The following NBPF9 variants were observed in gnomAD, a reference collection of about 807,000 sequenced individuals.
NBPF9 encodes NBPF family member NBPF9.
A neutral mutation model predicts 97.8 loss-of-function variants in NBPF9; 91 were observed. The observed-to-expected ratio is 0.93, with a 90% CI of 0.79 to 1.11. NBPF9 has a LOEUF of 1.11. Ranked by LOEUF, NBPF9 falls within the 50% of genes least tolerant of loss-of-function variation. The pLI, the probability that NBPF9 is intolerant of heterozygous loss-of-function variation, is 0.00. For synonymous variants in NBPF9, 334 were observed against 359.5 expected (o/e 0.93, Z 0.80); for missense variants, 992 against 939.5 (o/e 1.06, Z -0.73).
At chr1:149,082,663 C>G (rs374501916) in intron 5 of NBPF9, among the ~76,000 whole-genome samples, 1 of 142,970 alleles carries the variant, frequency 7.0e-6, no homozygotes, top group African/African-American at 2.6e-5. Flanking sequence ...CTGTTTATCT[C>G]TTGTCTGTAC....
At position 149,062,425 on chromosome 1, in the gene NBPF9, G is replaced by A. The variant is rs587660134; in HGVS notation, c.2079-160C>T. On this transcript the variant is annotated intron_variant, in intron 21 of 29. Coordinates refer to ENST00000584027, the Ensembl canonical transcript of NBPF9. ...TTGCCTTTAGGTTGGGATAGACCAGGGTCAGGTGGAAAAGAATGAAAGAGA... is the reference window on the plus strand; with the variant it reads ...TTGCCTTTAGGTTGGGATAGACCAGAGTCAGGTGGAAAAGAATGAAAGAGA... 4.2e-4 allele frequency among the ~76,000 whole-genome samples: 60 copies of A among 143,242 alleles called. 7 individuals carry two copies. Among genetic ancestry groups the A allele is most frequent in the African/African-American group, 1.5e-3 (60 of 38,784 alleles). The allele number at this position is 143,242 out of a possible 152,430, so 94.0% of individuals were successfully genotyped here. A position where few individuals can be genotyped will look rare whatever the true frequency, so the allele number is the denominator to read the frequency against.
chr1:149,082,027 A>G, exon 7 of NBPF9: 1 of 1,609,460 alleles, frequency 6.2e-7, no homozygotes, highest in Non-Finnish European at 8.5e-7. Context: ...TCTCTCTTTG[A>G]GGTTTCCGAA....
At chr1:149,102,002 C>T (rs2152928643) in intron 2 of NBPF9, among the ~76,000 whole-genome samples, 1 of 115,028 alleles carries the variant, frequency 8.7e-6, no homozygotes, top group Admixed American at 8.7e-5. Flanking sequence ...GATCACGGCT[C>T]ACTGCAATCT....
At chr1:149,055,804 G>C (rs782724249) in exon 30 of NBPF9, 4 of 1,610,892 alleles carry the variant, frequency 2.5e-6, no homozygotes, top group Non-Finnish European at 3.4e-6. Context: ...GAATGAGTCA[G>C]GTAGTTCAAA....
intron 12 of NBPF9, among the ~76,000 whole-genome samples, chr1:149,074,945 G>T (rs1159568311): frequency 1.3e-5 from 2 of 151,214 alleles, no homozygotes; most frequent in Non-Finnish European, 3.0e-5. Flanking sequence ...CTGAGCAGGG[G>T]TGATTACAGT....
chr1:149,079,272 C>A, intron 8 of NBPF9, 51 bp from the exon 9 acceptor site: 3 of 1,181,010 alleles, frequency 2.5e-6, no homozygotes, highest in Non-Finnish European at 1.3e-6. Flanking sequence ...TTGAGTGATC[C>A]GTTCAAATAT....
chr1:149,082,148 T>C, exon 7 of NBPF9: 1 of 1,612,014 alleles, frequency 6.2e-7, no homozygotes. Context: ...ATGCTGACGT[T>C]TGTGGCAGAA....
intron 5 of NBPF9, among the ~76,000 whole-genome samples, chr1:149,083,017 G>C (rs1251348734): frequency 8.7e-6 from 1 of 115,096 alleles, no homozygotes; most frequent in African/African-American, 3.3e-5. Context: ...CACTGTGTTA[G>C]CCACGATGGT....
In NBPF9 at chr1:149,099,601, CATA is replaced by C. The variant is rs1358740080; in HGVS notation, c.-605-898_-605-896del. ...TGAGATTGAACACATACAAAATAATCATAATAACAACAATGAATACTATATTCA... is the reference window on the plus strand; with the variant it reads ...TGAGATTGAACACATACAAAATAATCATAACAACAATGAATACTATATTCA... On this transcript the variant is annotated intron_variant, in intron 3 of 29. Coordinates refer to ENST00000584027, the Ensembl canonical transcript of NBPF9. Among the ~76,000 whole-genome samples the C allele has an allele frequency of 5.4e-3, 824 of 152,302 alleles. 4 individuals are homozygous for C. Among genetic ancestry groups the C allele is most frequent in the Non-Finnish European group, 9.0e-3 (614 of 68,036 alleles).
rs1299533862 is a variant in NBPF9, at chr1:149,090,739, G to C, written c.-195+14C>G. 3 of 554,546 alleles carry C rather than the reference G, an allele frequency of 5.4e-6. No homozygotes were observed. In the East Asian group the frequency reaches 9.0e-5, roughly 17 times the overall value. The allele number at this position is 554,546 out of a possible 1,614,324, so 34.4% of individuals were successfully genotyped here. A position where few individuals can be genotyped will look rare whatever the true frequency, so the allele number is the denominator to read the frequency against. ...TAGCATCTTTCAGAAAGCTCTCTGT[G>C]TTTGAGTACGCACCTTGATCCATAG... On this transcript the variant is annotated intron_variant, in intron 5 of 29. Transcript: ENST00000584027.
chr1:149,084,505 G>T (rs1438556970), intron 5 of NBPF9, among the ~76,000 whole-genome samples: 34 of 147,974 alleles, frequency 2.3e-4, no homozygotes, highest in East Asian at 2.0e-4. Context: ...TGGCGAGGAG[G>T]ACAGCACCTG....
intron 11 of NBPF9, among the ~76,000 whole-genome samples, chr1:149,076,378 G>T (rs1342699658): frequency 6.6e-6 from 1 of 151,148 alleles, no homozygotes; most frequent in Non-Finnish European, 1.5e-5. Context: ...TGTATTTTTA[G>T]TAGAGATGGG....
At chr1:149,101,820 A>G (rs1240791551) in intron 2 of NBPF9, among the ~76,000 whole-genome samples, 1 of 151,170 alleles carries the variant, frequency 6.6e-6, no homozygotes. Context: ...TCATTCATAT[A>G]CCTCTAAAAC....
chr1:149,072,850 G>T lies in NBPF9; in HGVS notation c.1174C>A (p.Arg392Ser), dbSNP rs587701109. Reference sequence around the variant, plus strand: ...GCCTGGAGATGCTCATTCAATGAGCGGGAGGCATCTCTCCCTTCCCGCAAC... The same window carrying T: ...GCCTGGAGATGCTCATTCAATGAGCTGGAGGCATCTCTCCCTTCCCGCAAC... The change falls in exon 14 of 30, where the codon CGC (arginine) becomes AGC (serine). Residue 392 changes from arginine (R) to serine (S), a missense_variant. Around this residue, in one of 11 missense-constraint regions of NBPF9, gnomAD observed 187 missense variants for 149.6 expected, o/e 1.25. Transcript: ENST00000584027. 8.1e-6 allele frequency: 13 copies of T among 1,603,596 alleles called. 1 individual carries two copies. The highest frequency in any genetic ancestry group is 1.1e-5 in the Non-Finnish European group (13 of 1,172,536).
At chr1:149,052,659 C>CAT (rs1378886709), downstream of NBPF9, among the ~76,000 whole-genome samples, 1 of 149,492 alleles carries the variant, frequency 6.7e-6, no homozygotes, top group African/African-American at 2.4e-5. Context: ...TATACACACA[C>CAT]ATATACATTT....
In NBPF9 at chr1:149,070,998, G is replaced by A. The variant is rs782647961; in HGVS notation, c.1521C>T (p.Val507=). Residue 507 remains valine, a synonymous_variant, in exon 16 of 30, where the codon GTC becomes GTT. Transcript: ENST00000584027. ...AGGATGAGCCAATGAGAGTTGAGTC[G>A]ACTTTGTCTTCCTCAAATGTGATTT... is the stretch of plus-strand genomic sequence containing the variant. The A allele has an allele frequency of 3.3e-5, 53 of 1,612,276 alleles. No homozygotes were observed. The Admixed American group carries it at 4.3e-4, about 13-fold the overall frequency.
At chr1:149,100,921 G>A (rs2082103737) in intron 3 of NBPF9, among the ~76,000 whole-genome samples, 1 of 150,838 alleles carries the variant, frequency 6.6e-6, no homozygotes, top group Non-Finnish European at 1.5e-5. Flanking sequence ...GCAATAGAGT[G>A]AGGCCCTGTC....
intron 20 of NBPF9, 23 bp from the exon 21 acceptor site, chr1:149,062,936 C>G (rs782783797): frequency 1.2e-6 from 1 of 863,156 alleles, no homozygotes. Flanking sequence ...CAGACATGGA[C>G]AGTCATATTA....
At chr1:149,068,468 G>T (rs1194116548) in intron 17 of NBPF9, among the ~76,000 whole-genome samples, 1 of 148,122 alleles carries the variant, frequency 6.8e-6, no homozygotes, top group African/African-American at 2.5e-5. Context: ...AAAGGCAGGG[G>T]TTGCAATCCT....
Sources: allele counts gnomAD v4.1 joint callset (sites outside exome capture counted in the v4.1 genomes callset), GRCh38; gene constraint gnomAD v4.1.1; regional missense constraint gnomAD v4.1.1; transcripts MANE v1.5; gene names NCBI Gene and HGNC (gene_info 2026-07-23, HGNC 2026-07-21).